The following TSNARE1 variants were observed in gnomAD, a reference collection of about 807,000 sequenced individuals.
TSNARE1 encodes t-SNARE domain-containing protein 1.
Under a neutral mutation model 62.0 loss-of-function variants are expected in TSNARE1, and 49 were observed. The ratio of observed to expected loss-of-function variants is 0.79; its 90% CI spans 0.63 to 1.00. The LOEUF (loss-of-function observed/expected upper bound fraction) is 1.00. Among genes scored for constraint, TSNARE1 ranks in the 50% least tolerant of loss-of-function variants. TSNARE1 has a pLI of 0.00. For missense variants in TSNARE1, 755 were observed against 700.1 expected (o/e 1.08, Z -0.88); for synonymous variants, 328 against 294.4 (o/e 1.11, Z -1.17).
At chr8:142,243,048 C>T (rs1817737885) in intron 12 of TSNARE1, among the ~76,000 whole-genome samples, 1 of 151,936 alleles carries the variant, frequency 6.6e-6, no homozygotes, top group Admixed American at 6.6e-5. Context: ...TGAAGTATCG[C>T]CTCACACCTG....
At chr8:142,214,710 G>A (rs1036242475) in intron 13 of TSNARE1, among the ~76,000 whole-genome samples, 2 of 152,150 alleles carry the variant, frequency 1.3e-5, no homozygotes, top group East Asian at 1.9e-4. Context: ...TGAAGGGTGG[G>A]GCCTCTGGGA....
intron 2 of TSNARE1, among the ~76,000 whole-genome samples, chr8:142,353,111 C>A (rs1834324752): frequency 6.6e-6 from 1 of 152,124 alleles, no homozygotes; most frequent in African/African-American, 2.4e-5. Flanking sequence ...GGGCTGCCTT[C>A]TCCAGGGTCC....
chr8:142,400,212 G>A (rs969575125), intron 1 of TSNARE1, among the ~76,000 whole-genome samples: 4 of 152,128 alleles, frequency 2.6e-5, no homozygotes, highest in Non-Finnish European at 5.9e-5. Flanking sequence ...GGGAGGCTGA[G>A]GCAGGTTGAT....
chr8:142,277,675 A>G (rs1194849056), intron 11 of TSNARE1: 1 of 985,350 alleles, frequency 1.0e-6, no homozygotes, highest in Non-Finnish European at 1.2e-6. Context: ...AGGGCAGGCC[A>G]CTCAAAGCAG....
intron 3 of TSNARE1, 75 bp from the exon 4 acceptor site, chr8:142,344,547 C>A: frequency 1.4e-6 from 2 of 1,391,648 alleles, no homozygotes; most frequent in Non-Finnish European, 9.4e-7. Flanking sequence ...CAGCTCCCTA[C>A]GGCGCCTCCT....
At chr8:142,384,240 G>A (rs1302428568) in intron 1 of TSNARE1, among the ~76,000 whole-genome samples, 9 of 152,272 alleles carry the variant, frequency 5.9e-5, no homozygotes, top group Admixed American at 5.2e-4. Context: ...GAAGGAAAGG[G>A]CCTCTGGAAA....
intron 9 of TSNARE1, among the ~76,000 whole-genome samples, chr8:142,304,809 A>G (rs117919389): frequency 1.3e-5 from 2 of 152,294 alleles, no homozygotes; most frequent in East Asian, 3.9e-4. Context: ...GCTGTGAGCT[A>G]CGGGGTAGAG....
chr8:142,391,217 GCAGGGGAC>G, intron 1 of TSNARE1, among the ~76,000 whole-genome samples: 1 of 146,066 alleles, frequency 6.8e-6, no homozygotes, highest in Admixed American at 6.8e-5. Context: ...GCTGTACACT[GCAGGGGAC>G]TCTATAGCAG....
At chr8:142,342,214 C>A (rs575616202) in intron 4 of TSNARE1, among the ~76,000 whole-genome samples, 1 of 152,380 alleles carries the variant, frequency 6.6e-6, no homozygotes, top group East Asian at 1.9e-4. Context: ...GAAGTTCCGG[C>A]AGCAAGGCCA....
At chr8:142,349,572 T>C (rs1833826181) in intron 2 of TSNARE1, among the ~76,000 whole-genome samples, 1 of 152,158 alleles carries the variant, frequency 6.6e-6, no homozygotes, top group Admixed American at 6.5e-5. Context: ...CCAGGGGCCA[T>C]ATCTCTGCAG....
intron 11 of TSNARE1, chr8:142,275,093 C>T: frequency 1.0e-6 from 1 of 985,396 alleles, no homozygotes; most frequent in South Asian, 4.7e-5. Flanking sequence ...GGGAAGGGGA[C>T]TCCTCAGTGC....
intron 1 of TSNARE1, among the ~76,000 whole-genome samples, chr8:142,390,185 T>G (rs971114357): frequency 3.3e-5 from 5 of 152,148 alleles, no homozygotes; most frequent in Non-Finnish European, 7.3e-5. Context: ...CGTCAGGGAG[T>G]GAGTGGCAAG....
intron 6 of TSNARE1, among the ~76,000 whole-genome samples, chr8:142,328,684 C>T (rs572588222): frequency 7.2e-5 from 11 of 152,310 alleles, no homozygotes; most frequent in South Asian, 6.2e-4. Flanking sequence ...ATCTCCAGAT[C>T]GTGACGGCCC....
chr8:142,396,784 A>C (rs1837924307), intron 1 of TSNARE1, among the ~76,000 whole-genome samples: 4 of 152,152 alleles, frequency 2.6e-5, no homozygotes, highest in Admixed American at 2.6e-4. Flanking sequence ...AAGTTTCCTG[A>C]TCTGAGGAGC....
intron 10 of TSNARE1, among the ~76,000 whole-genome samples, chr8:142,285,168 AGTGGATGGATGG>A (rs1390473816): frequency 6.9e-6 from 1 of 145,960 alleles, no homozygotes; most frequent in Non-Finnish European, 1.5e-5. Context: ...TAGATGGGTG[AGTGGATGGATGG>A]GTGGGTGATG....
At chr8:142,277,680 A>G (rs1820730605) in intron 11 of TSNARE1, 1 of 985,180 alleles carries the variant, frequency 1.0e-6, no homozygotes, top group South Asian at 4.7e-5. Flanking sequence ...AGGCCACTCA[A>G]AGCAGCTCAC....
At chr8:142,222,950 A>AC (rs1318074476) in intron 13 of TSNARE1, among the ~76,000 whole-genome samples, 27 of 151,072 alleles carry the variant, frequency 1.8e-4, no homozygotes, top group African/African-American at 6.4e-4. Context: ...TCACTCACTC[A>AC]TCCACTCACT....
chr8:142,262,858 T>A (rs537904807), intron 12 of TSNARE1, among the ~76,000 whole-genome samples: 8 of 152,184 alleles, frequency 5.3e-5, no homozygotes, highest in Non-Finnish European at 1.2e-4. Flanking sequence ...CAGTCTCAGG[T>A]ATTTCTCTAC....
At chr8:142,325,630 G>C (rs564441584) in intron 6 of TSNARE1, among the ~76,000 whole-genome samples, 1 of 152,146 alleles carries the variant, frequency 6.6e-6, no homozygotes, top group Non-Finnish European at 1.5e-5. Context: ...GAGACCCCAG[G>C]TCAGTCCAGA....
Sources: allele counts gnomAD v4.1 joint callset (sites outside exome capture counted in the v4.1 genomes callset), GRCh38; gene constraint gnomAD v4.1.1; transcripts MANE v1.5; gene names NCBI Gene and HGNC (gene_info 2026-07-23, HGNC 2026-07-21).